CHST9: variants seen among roughly 807,000 people sequenced by gnomAD.
CHST9 encodes GalNAc-4-sulfotransferase 2.
A neutral mutation model predicts 44.4 loss-of-function variants in CHST9; 41 were observed. That is an observed-to-expected ratio of 0.92 (90% CI 0.72 to 1.20). The LOEUF is 1.20. Among genes scored for constraint, CHST9 ranks in the 50% most tolerant of loss-of-function variants. The pLI is 0.00. For missense variants in CHST9, 504 were observed against 516.5 expected (o/e 0.98, Z 0.23); for synonymous variants, 171 against 178.4 (o/e 0.96, Z 0.33).
At chr18:27,174,647 G>A (rs1384522261) in intron 1 of CHST9, among the ~76,000 whole-genome samples, 2 of 151,850 alleles carry the variant, frequency 1.3e-5, no homozygotes, top group Non-Finnish European at 2.9e-5. Context: ...TTGTTATGGT[G>A]GTTGCAAAAA....
intron 4 of CHST9, among the ~76,000 whole-genome samples, chr18:27,018,822 C>T (rs1289633639): frequency 1.3e-5 from 2 of 152,092 alleles, no homozygotes; most frequent in East Asian, 1.9e-4. Flanking sequence ...AAACATGCCC[C>T]CAGGCAAGCA....
chr18:27,075,710 A>C (rs185430800), intron 2 of CHST9, among the ~76,000 whole-genome samples: 329 of 149,218 alleles, frequency 2.2e-3, no homozygotes, highest in Non-Finnish European at 3.4e-3. Flanking sequence ...GATGTGCAAA[A>C]CTTCTTACAT....
intron 4 of CHST9, among the ~76,000 whole-genome samples, chr18:26,965,113 A>C (rs757905416): frequency 2.6e-5 from 4 of 152,218 alleles, no homozygotes; most frequent in Non-Finnish European, 4.4e-5. Context: ...AACTGAATGC[A>C]TTCCCAATTA....
At chr18:27,113,144 A>G (rs1598733719) in intron 2 of CHST9, among the ~76,000 whole-genome samples, 1 of 151,288 alleles carries the variant, frequency 6.6e-6, no homozygotes, top group East Asian at 2.0e-4. Flanking sequence ...AGCGGAGATC[A>G]CGCCACTGCA....
At chr18:27,108,403 T>C (rs1004571361) in intron 2 of CHST9, among the ~76,000 whole-genome samples, 4 of 152,210 alleles carry the variant, frequency 2.6e-5, no homozygotes, top group African/African-American at 7.2e-5. Context: ...TTTTCTAGTG[T>C]GGGCAAGTAT....
chr18:27,151,242 A>G (rs1427395611), intron 1 of CHST9, among the ~76,000 whole-genome samples: 2 of 152,132 alleles, frequency 1.3e-5, no homozygotes, highest in Non-Finnish European at 2.9e-5. Context: ...AATCATTTCT[A>G]TATGTTTTCA....
At chr18:27,096,707 A>G (rs2058120326) in intron 2 of CHST9, among the ~76,000 whole-genome samples, 2 of 152,100 alleles carry the variant, frequency 1.3e-5, no homozygotes, top group Non-Finnish European at 2.9e-5. Flanking sequence ...TCCTGGTCAC[A>G]TACAATCTCC....
intron 2 of CHST9, among the ~76,000 whole-genome samples, chr18:27,078,689 T>C (rs1422386651): frequency 6.6e-6 from 1 of 152,084 alleles, no homozygotes; most frequent in Admixed American, 6.5e-5. Context: ...TTGCACTACA[T>C]TGGACTGTCT....
At chr18:27,141,182 C>A (rs1452555634) in intron 2 of CHST9, among the ~76,000 whole-genome samples, 2 of 152,138 alleles carry the variant, frequency 1.3e-5, no homozygotes, top group African/African-American at 4.8e-5. Flanking sequence ...TATGGTGAAA[C>A]CCCGTCTCTA....
chr18:26,917,440 G>C (rs1598550301), intron 5 of CHST9, 90 bp from the exon 6 acceptor site: 1 of 1,392,528 alleles, frequency 7.2e-7, no homozygotes, highest in Non-Finnish European at 9.7e-7. Context: ...TTTTAAAATA[G>C]TATCAAGGAG....
rs549002168 is a variant in CHST9, at chr18:27,041,325, C to T, written c.160+7140G>A. ...GATGAAAGTGTAAAGTAATTTTTGGCTAACACCAACTATGAAATTATTCTC... is the reference window on the plus strand; with the variant it reads ...GATGAAAGTGTAAAGTAATTTTTGGTTAACACCAACTATGAAATTATTCTC... On this transcript the variant is annotated intron_variant, in intron 3 of 5. Transcript: ENST00000618847. Among the ~76,000 whole-genome samples, 10 of 152,204 alleles carry T rather than the reference C, an allele frequency of 6.6e-5. No homozygotes were observed. The East Asian group carries it at 1.9e-3, about 29-fold the overall frequency.
At chr18:27,014,492 A>AAAAAAAAT (rs2057125579) in intron 4 of CHST9, among the ~76,000 whole-genome samples, 1 of 119,256 alleles carries the variant, frequency 8.4e-6, no homozygotes, top group Non-Finnish European at 1.8e-5. Context: ...AAAAAAAAAA[A>AAAAAAAAT]AGAATTACAG....
intron 5 of CHST9, chr18:26,933,149 T>A (rs1267639115): frequency 4.6e-5 from 7 of 153,802 alleles, no homozygotes; most frequent in Non-Finnish European, 7.3e-5. Context: ...ATATCCCACA[T>A]CCAGTTCAGC....
At chr18:27,032,787 T>A (rs926439483) in intron 3 of CHST9, among the ~76,000 whole-genome samples, 3 of 152,176 alleles carry the variant, frequency 2.0e-5, no homozygotes, top group Non-Finnish European at 4.4e-5. Flanking sequence ...AAGATTATTA[T>A]CTCCATTTTA....
chr18:26,916,297 C>T lies in CHST9; in HGVS notation c.1294G>A (p.Asp432Asn), dbSNP rs752832621. Residue 432 changes from aspartate to asparagine, a missense_variant, in exon 6 of 6, where the codon GAC becomes AAC. Transcript: ENST00000618847. ...GTTGTATAATTAAACATTAAATAGT[C>T]CAAGTAATAAAAGTCATAGATTAAT... Reference protein sequence around the residue: ...RQLIYDFYYLDYLMFNYTTPF... With the variant: ...RQLIYDFYYLNYLMFNYTTPF... 2 of 1,596,712 alleles carry T rather than the reference C, an allele frequency of 1.3e-6. No homozygotes were observed. Among genetic ancestry groups the T allele is most frequent in the Non-Finnish European group, 1.7e-6 (2 of 1,165,890 alleles).
At chr18:27,091,336 A>G (rs2058066853) in intron 2 of CHST9, among the ~76,000 whole-genome samples, 1 of 152,150 alleles carries the variant, frequency 6.6e-6, no homozygotes, top group African/African-American at 2.4e-5. Context: ...CAGCTTAAGG[A>G]GATTTTGGGC....
intron 4 of CHST9, among the ~76,000 whole-genome samples, chr18:27,002,623 T>C (rs2056967230): frequency 6.6e-6 from 1 of 152,226 alleles, no homozygotes; most frequent in Non-Finnish European, 1.5e-5. Flanking sequence ...TGTAAGTGTT[T>C]TGTAGGCTAG....
At chr18:27,085,007 G>A (rs1480006276) in intron 2 of CHST9, among the ~76,000 whole-genome samples, 2 of 152,034 alleles carry the variant, frequency 1.3e-5, no homozygotes, top group African/African-American at 4.8e-5. Flanking sequence ...TGGTGTGAGA[G>A]TATGGTTGGT....
chr18:27,087,359 A>G (rs939539119), intron 2 of CHST9, among the ~76,000 whole-genome samples: 1 of 152,202 alleles, frequency 6.6e-6, no homozygotes, highest in Non-Finnish European at 1.5e-5. Flanking sequence ...ATCTGGACCC[A>G]ACATTAGCAG....
Sources: allele counts gnomAD v4.1 joint callset (sites outside exome capture counted in the v4.1 genomes callset), GRCh38; gene constraint gnomAD v4.1.1; transcripts MANE v1.5; gene names NCBI Gene and HGNC (gene_info 2026-07-23, HGNC 2026-07-21).